The following MAMLD1 variants were observed in gnomAD, a reference collection of about 807,000 sequenced individuals.
MAMLD1 encodes mastermind-like domain-containing protein 1.
Under a neutral mutation model 45.0 loss-of-function variants are expected in MAMLD1, and 14 were observed. The ratio of observed to expected loss-of-function variants is 0.31; its 90% confidence interval spans 0.21 to 0.49. The LOEUF (loss-of-function observed/expected upper bound fraction) is 0.49. Ranked by LOEUF, MAMLD1 falls within the 20% of genes least tolerant of loss-of-function variation. The pLI is 0.99. For missense variants in MAMLD1, 543 were observed against 603.6 expected (o/e 0.90, Z 1.05); for synonymous variants, 254 against 247.8 (o/e 1.02, Z -0.24).
intron 1 of MAMLD1, among the ~76,000 whole-genome samples, chrX:150,413,623 C>A (rs920321301): frequency 9.2e-6 from 1 of 108,419 alleles, no homozygotes; most frequent in African/African-American, 3.4e-5. Context: ...ATGAATGCAA[C>A]CTATCTATAT....
At chrX:150,460,956 G>A (rs2036018441) in intron 2 of MAMLD1, among the ~76,000 whole-genome samples, 1 of 112,435 alleles carries the variant, frequency 8.9e-6, no homozygotes, top group Non-Finnish European at 1.9e-5. Context: ...ACTGCCTCAG[G>A]GACCTCGCAT....
Position 150,513,842 on chromosome X carries a change from C to T in MAMLD1, c.*1883C>T, listed in dbSNP as rs1456047296. The T allele has an allele frequency of 1.0e-5, 3 of 295,923 alleles. No individual in the cohort carries two copies. The highest frequency in any genetic ancestry group is 6.2e-5 in the Admixed American group (1 of 16,225). 24.4% of individuals were successfully genotyped at this position (295,923 alleles called of 1,213,427 possible). On this transcript the variant is annotated 3_prime_UTR_variant, in exon 8 of 8. Coordinates refer to ENST00000370401, the MANE Select transcript of MAMLD1 (RefSeq NM_005491.5). ...AAAAAGCCCAGCTTGTGTGCACCCTCGTGGGGTTAAGGCGAGCTGTTCCTG... is the reference window on the plus strand; with the variant it reads ...AAAAAGCCCAGCTTGTGTGCACCCTTGTGGGGTTAAGGCGAGCTGTTCCTG...
intron 5 of MAMLD1, among the ~76,000 whole-genome samples, chrX:150,502,297 T>C (rs1203581131): frequency 8.9e-6 from 1 of 112,388 alleles, no homozygotes; most frequent in African/African-American, 3.2e-5. Flanking sequence ...TGTTTGCTAA[T>C]GGACATAGAT....
At chrX:150,370,890 G>C (rs977538937) in intron 1 of MAMLD1, among the ~76,000 whole-genome samples, 3 of 112,254 alleles carry the variant, frequency 2.7e-5, no homozygotes, top group Non-Finnish European at 5.6e-5. Flanking sequence ...CCAGAGTAAA[G>C]GCTTCCAGAG....
At chrX:150,399,797 T>A (rs1159187023) in intron 1 of MAMLD1, among the ~76,000 whole-genome samples, 1 of 112,063 alleles carries the variant, frequency 8.9e-6, no homozygotes, top group Non-Finnish European at 1.9e-5. Context: ...AAAGAATGAA[T>A]TGCTGTTGTT....
chrX:150,459,273 A>G (rs2035964407), intron 2 of MAMLD1, among the ~76,000 whole-genome samples: 1 of 112,009 alleles, frequency 8.9e-6, no homozygotes, highest in African/African-American at 3.2e-5. Flanking sequence ...CCCAATTTCT[A>G]ACCTCATAAG....
At chrX:150,406,288 A>G (rs908615948) in intron 1 of MAMLD1, among the ~76,000 whole-genome samples, 2 of 110,053 alleles carry the variant, frequency 1.8e-5, no homozygotes, top group East Asian at 5.7e-4. Flanking sequence ...CCCATCACAT[A>G]GCAGGTAATG....
chrX:150,420,811 G>A (rs1475072917), intron 1 of MAMLD1, among the ~76,000 whole-genome samples: 6 of 112,310 alleles, frequency 5.3e-5, no homozygotes, highest in Non-Finnish European at 1.1e-4. Context: ...ATCTCCAGCT[G>A]TGTGCTGGGA....
At chrX:150,507,711 G>A (rs2037772531) in intron 6 of MAMLD1, among the ~76,000 whole-genome samples, 1 of 112,406 alleles carries the variant, frequency 8.9e-6, no homozygotes, top group South Asian at 3.7e-4. Flanking sequence ...TGCTTCCCGG[G>A]ATGAAGACGC....
Position 150,491,846 on chromosome X carries a change from G to A in MAMLD1, c.2041-11428G>A, listed in dbSNP as rs189522806. On this transcript the variant is annotated intron_variant, in intron 5 of 7. Transcript: ENST00000370401. ...ACTGGGCCAGGACCCAGAAAAGAGA[G>A]TTACCTTTTTCGTCTCAGACCTGGG... 7.1e-5 allele frequency among the ~76,000 whole-genome samples: 8 copies of A among 112,326 alleles called. No homozygotes were observed. The South Asian group carries it at 1.1e-3, about 16-fold the overall frequency.
At chrX:150,497,320 G>C (rs181076038) in intron 5 of MAMLD1, among the ~76,000 whole-genome samples, 1 of 64,821 alleles carries the variant, frequency 1.5e-5, no homozygotes, top group East Asian at 4.8e-4. Context: ...GTCTCACTTT[G>C]TCGCCCAGGC....
At chrX:150,369,120 G>A (rs927646128) in intron 1 of MAMLD1, among the ~76,000 whole-genome samples, 3 of 111,437 alleles carry the variant, frequency 2.7e-5, no homozygotes, top group Non-Finnish European at 3.8e-5. Flanking sequence ...TAGCTTGATG[G>A]GGATGGCATT....
intron 1 of MAMLD1, among the ~76,000 whole-genome samples, chrX:150,375,728 G>A (rs781860058): frequency 9.6e-6 from 1 of 103,801 alleles, no homozygotes; most frequent in African/African-American, 3.7e-5. Context: ...TTAGCACAGG[G>A]TCACTACGCA....
chrX:150,457,842 A>T (rs1557405412), intron 2 of MAMLD1, among the ~76,000 whole-genome samples: 1 of 112,454 alleles, frequency 8.9e-6, no homozygotes, highest in Non-Finnish European at 1.9e-5. Flanking sequence ...GATGATGAAA[A>T]AGTTCTGGAA....
chrX:150,398,116 A>C, intron 1 of MAMLD1, among the ~76,000 whole-genome samples: 1 of 109,162 alleles, frequency 9.2e-6, no homozygotes, highest in Admixed American at 1.0e-4. Flanking sequence ...CAGTTCTGCC[A>C]GGTTCCAGCA....
At chrX:150,467,181 T>C (rs2036251396) in intron 3 of MAMLD1, among the ~76,000 whole-genome samples, 1 of 112,464 alleles carries the variant, frequency 8.9e-6, no homozygotes, top group Non-Finnish European at 1.9e-5. Flanking sequence ...TACATTTCTA[T>C]TTTTAACCTA....
intron 1 of MAMLD1, among the ~76,000 whole-genome samples, chrX:150,403,035 A>C (rs1397681736): frequency 9.1e-6 from 1 of 109,669 alleles, no homozygotes; most frequent in Non-Finnish European, 1.9e-5. Context: ...ACTAACCTGC[A>C]CATTGTGCAC....
At chrX:150,402,563 C>T (rs2124520795) in intron 1 of MAMLD1, among the ~76,000 whole-genome samples, 1 of 112,099 alleles carries the variant, frequency 8.9e-6, no homozygotes, top group Admixed American at 9.4e-5. Context: ...CCAGCTATCC[C>T]ATTACTGGGT....
intron 1 of MAMLD1, among the ~76,000 whole-genome samples, chrX:150,370,773 C>G (rs782583737): frequency 4.5e-5 from 5 of 111,856 alleles, no homozygotes; most frequent in Non-Finnish European, 7.5e-5. Context: ...CTCCTAAAAT[C>G]TGACATCTTT....
Sources: allele counts gnomAD v4.1 joint callset (sites outside exome capture counted in the v4.1 genomes callset), GRCh38; gene constraint gnomAD v4.1.1; transcripts MANE v1.5; gene names NCBI Gene and HGNC (gene_info 2026-07-23, HGNC 2026-07-21).